Variants in SYN3 observed in about 807,000 individuals in gnomAD.
SYN3 encodes the protein synapsin-3.
In SYN3, 35 loss-of-function variants were observed where a neutral mutation model predicts 65.8. The ratio of observed to expected loss-of-function variants is 0.53; its 90% CI spans 0.41 to 0.70. The LOEUF (loss-of-function observed/expected upper bound fraction) is 0.70, where lower values mean the gene tolerates loss of function less well. Ranked by LOEUF, SYN3 falls within the 30% of genes least tolerant of loss-of-function variation. The pLI is 0.00. For missense variants in SYN3, 680 were observed against 749.0 expected, an observed-to-expected ratio of 0.91 and a Z score of 1.08; for synonymous variants, 270 against 292.9, an observed-to-expected ratio of 0.92 and a Z score of 0.80.
intron 6 of SYN3, among the ~76,000 whole-genome samples, chr22:32,599,011 A>G (rs2059243149): frequency 6.6e-6 from 1 of 152,184 alleles, no homozygotes; most frequent in African/African-American, 2.4e-5. Flanking sequence ...AAAGACGTCA[A>G]TAAAAATCAT....
chr22:32,513,574 A>C lies in SYN3; in HGVS notation c.*118T>G, dbSNP rs1290652638. The C allele has an allele frequency of 7.5e-7, 1 of 1,334,270 alleles. No individual in the cohort carries two copies. Among genetic ancestry groups the C allele is most frequent in the Admixed American group, 2.2e-5 (1 of 44,938 alleles). 82.7% of individuals were successfully genotyped at this position (1,334,270 alleles called of 1,614,324 possible). A position where few individuals can be genotyped will look rare whatever the true frequency, so the allele number is the denominator to read the frequency against. On this transcript the variant is annotated 3_prime_UTR_variant, in exon 14 of 14. Coordinates refer to ENST00000358763, the MANE Select transcript of SYN3 (RefSeq NM_003490.4). ...CGGTTCCTGGGTCAAAGGCATTTAG[A>C]AAGTATGTTCTCAGGCCCTCCATTC...
At position 32,529,042 on chromosome 22, in the gene SYN3, A is replaced by G. The variant is rs2058028095; in HGVS notation, c.1096-34T>C. 5.0e-6 allele frequency: 8 copies of G among 1,612,696 alleles called. No homozygotes were observed. The African/African-American group carries it at 6.7e-5, about 13-fold the overall frequency. Reference sequence around the variant, plus strand: ...AGGAAGGGAGAGCTGAGGGACCCCCATGCCAGGAGAGATGGCGGTTGGGCA... The same window carrying G: ...AGGAAGGGAGAGCTGAGGGACCCCCGTGCCAGGAGAGATGGCGGTTGGGCA... On this transcript the variant is annotated intron_variant, in intron 10 of 13. Coordinates refer to ENST00000358763, the MANE Select transcript of SYN3 (RefSeq NM_003490.4).
intron 4 of SYN3, among the ~76,000 whole-genome samples, chr22:32,882,923 T>G (rs2049182562): frequency 6.6e-6 from 1 of 151,572 alleles, no homozygotes; most frequent in South Asian, 2.1e-4. Context: ...AACCAGCTCC[T>G]CTAAGCCCTT....
intron 6 of SYN3, among the ~76,000 whole-genome samples, chr22:32,792,733 G>A (rs965242977): frequency 3.3e-5 from 5 of 152,136 alleles, no homozygotes; most frequent in Non-Finnish European, 7.3e-5. Context: ...CTCCCTGGTC[G>A]TCAGAGGTAG....
At chr22:32,956,599 G>A (rs553465744) in intron 3 of SYN3, among the ~76,000 whole-genome samples, 1 of 152,248 alleles carries the variant, frequency 6.6e-6, no homozygotes, top group East Asian at 1.9e-4. Context: ...CTATATTGTA[G>A]CATATGCCAG....
chr22:32,691,868 C>G (rs1317239878), intron 6 of SYN3, among the ~76,000 whole-genome samples: 4 of 151,994 alleles, frequency 2.6e-5, no homozygotes, highest in Admixed American at 1.3e-4. Context: ...ACCACATTCT[C>G]TGAAAACTGT....
intron 6 of SYN3, among the ~76,000 whole-genome samples, chr22:32,606,437 C>T (rs2059373384): frequency 6.6e-6 from 1 of 152,228 alleles, no homozygotes; most frequent in African/African-American, 2.4e-5. Flanking sequence ...CACATAGAGA[C>T]ACTCCTGTCA....
chr22:32,720,154 T>C (rs1037537486), intron 6 of SYN3, among the ~76,000 whole-genome samples: 5 of 152,218 alleles, frequency 3.3e-5, no homozygotes, highest in African/African-American at 1.2e-4. Context: ...TTTGTGAGGA[T>C]ACACTAAGAT....
At chr22:32,802,699 G>A (rs1261015797) in intron 6 of SYN3, among the ~76,000 whole-genome samples, 1 of 152,152 alleles carries the variant, frequency 6.6e-6, no homozygotes, top group Non-Finnish European at 1.5e-5. Context: ...GTGGATTTAA[G>A]GGGGAAAATG....
intron 6 of SYN3, among the ~76,000 whole-genome samples, chr22:32,735,959 C>T (rs1013828254): frequency 1.3e-5 from 2 of 152,210 alleles, no homozygotes; most frequent in Middle Eastern, 3.2e-3. Context: ...CAGCAAGGGG[C>T]TCCTGCCCAG....
chr22:32,813,486 T>TACACACACAC (rs130277), intron 6 of SYN3, among the ~76,000 whole-genome samples: 1 of 138,186 alleles, frequency 7.2e-6, no homozygotes, highest in African/African-American at 2.8e-5. Context: ...TCTGAAAAGA[T>TACACACACAC]ACACACACAC....
At position 32,535,420 on chromosome 22, in the gene SYN3, T is replaced by C. The variant is rs371415432; in HGVS notation, c.993-1525A>G. Among the ~76,000 whole-genome samples the C allele has an allele frequency of 6.6e-5, 10 of 152,326 alleles. No individual in the cohort carries two copies. In the East Asian group the frequency reaches 1.4e-3, roughly 21 times the overall value. On this transcript the variant is annotated intron_variant, in intron 9 of 13. Coordinates refer to ENST00000358763, the MANE Select transcript of SYN3 (RefSeq NM_003490.4). ...CCACCCTATGTTAGAGTAATTTCTA[T>C]AATTTTTTAAAGCTTTTCATGTGAT...
chr22:32,688,141 T>C (rs1205975963), intron 6 of SYN3, among the ~76,000 whole-genome samples: 1 of 152,210 alleles, frequency 6.6e-6, no homozygotes, highest in Non-Finnish European at 1.5e-5. Flanking sequence ...CGCTTACGTC[T>C]ATATACATGT....
chr22:32,559,423 C>T (rs2058551515), intron 7 of SYN3, among the ~76,000 whole-genome samples: 2 of 152,208 alleles, frequency 1.3e-5, no homozygotes, highest in South Asian at 4.1e-4. Flanking sequence ...TCTTCCCCAT[C>T]CACCAGAAAT....
chr22:32,778,501 C>G (rs547982034), intron 6 of SYN3, among the ~76,000 whole-genome samples: 2 of 152,096 alleles, frequency 1.3e-5, no homozygotes, highest in Non-Finnish European at 2.9e-5. Flanking sequence ...ACCATGTTAG[C>G]CAGGCTGGTC....
intron 7 of SYN3, among the ~76,000 whole-genome samples, chr22:32,573,776 T>C (rs1375230052): frequency 6.7e-6 from 1 of 148,388 alleles, no homozygotes; most frequent in African/African-American, 2.5e-5. Flanking sequence ...TTTTTTTTTT[T>C]TTTTTTTTTG....
In SYN3 at chr22:32,952,293, TG is replaced by T. The variant is rs1208206533; in HGVS notation, c.370-20813del. Among the ~76,000 whole-genome samples the T allele has an allele frequency of 7.0e-5, 10 of 143,626 alleles. No homozygotes were observed. In the East Asian group the frequency reaches 1.3e-3, roughly 18 times the overall value. The allele number at this position is 143,626 out of a possible 152,430, so 94.2% of individuals were successfully genotyped here. A position where few individuals can be genotyped will look rare whatever the true frequency, so the allele number is the denominator to read the frequency against. ...CACACGCATGTGAATAATGTGTGTGTGGGGGGGTGTGTGTGTGTGTGGACAG... is the reference window on the plus strand; with the variant it reads ...CACACGCATGTGAATAATGTGTGTGTGGGGGGTGTGTGTGTGTGTGGACAG... On this transcript the variant is annotated intron_variant, in intron 3 of 13. Transcript: ENST00000358763.
intron 7 of SYN3, among the ~76,000 whole-genome samples, chr22:32,566,714 T>C (rs2058676405): frequency 6.6e-6 from 1 of 152,158 alleles, no homozygotes; most frequent in Non-Finnish European, 1.5e-5. Context: ...ACAGGCTCCT[T>C]TTTAAGAAAC....
rs73395105 is a variant in SYN3, at chr22:32,510,509, T to A, written c.*3183A>T. 1.8e-3 allele frequency among the ~76,000 whole-genome samples: 269 copies of A among 152,278 alleles called. 1 individual carries two copies. The highest frequency in any genetic ancestry group is 6.1e-3 in the African/African-American group (254 of 41,556). On this transcript the variant is annotated 3_prime_UTR_variant, in exon 14 of 14. Transcript: ENST00000358763. ...CCACAGGGGTTTCCTGTGTTCTTAA[T>A]CTCCTGAAACTTGAGGACCTCATGG...
Sources: allele counts gnomAD v4.1 joint callset (sites outside exome capture counted in the v4.1 genomes callset), GRCh38; gene constraint gnomAD v4.1.1; transcripts MANE v1.5; gene names NCBI Gene and HGNC (gene_info 2026-07-23, HGNC 2026-07-21).